Variants in RNF150 observed in about 807,000 individuals in gnomAD.
The protein encoded by RNF150 is ring finger protein 150.
In RNF150, 24 loss-of-function variants were observed where a neutral mutation model predicts 39.3. The observed-to-expected ratio is 0.61, with a 90% CI of 0.44 to 0.86. RNF150 has a LOEUF of 0.86. RNF150 is among the 40% of genes least tolerant of loss of function. The pLI is 0.00. For missense variants in RNF150, 502 were observed against 587.8 expected, an observed-to-expected ratio of 0.85 and a Z score of 1.51; for synonymous variants, 255 against 227.3, an observed-to-expected ratio of 1.12 and a Z score of -1.10.
Position 141,119,633 on chromosome 4 carries a change from A to G in RNF150, c.484+12692T>C, listed in dbSNP as rs1286264780. Reference sequence around the variant, plus strand: ...TTGTAAATACTCACAGGTAGCATCCAGGCCTCTTTAGAAACACTGGCGTGA... The same window carrying G: ...TTGTAAATACTCACAGGTAGCATCCGGGCCTCTTTAGAAACACTGGCGTGA... On this transcript the variant is annotated intron_variant, in intron 1 of 6. Transcript: ENST00000515673. Among the ~76,000 whole-genome samples, 3 of 152,340 alleles carry G rather than the reference A, an allele frequency of 2.0e-5. No individual in the cohort carries two copies. The East Asian group carries it at 5.8e-4, about 29-fold the overall frequency.
intron 1 of RNF150, among the ~76,000 whole-genome samples, chr4:141,071,564 C>T (rs1264400970): frequency 6.6e-6 from 1 of 151,964 alleles, no homozygotes; most frequent in Non-Finnish European, 1.5e-5. Flanking sequence ...AAACGTGAAA[C>T]ATTTTGGCCT....
At chr4:141,062,967 G>A (rs930295751) in intron 1 of RNF150, among the ~76,000 whole-genome samples, 2 of 152,188 alleles carry the variant, frequency 1.3e-5, no homozygotes, top group African/African-American at 4.8e-5. Context: ...TGCTTAGGAT[G>A]ATGGCATCCA....
At chr4:141,195,920 T>G (rs556672886) in intron 1 of RNF150, among the ~76,000 whole-genome samples, 74 of 152,188 alleles carry the variant, frequency 4.9e-4, no homozygotes, top group African/African-American at 1.6e-3. Context: ...AAGCTCAGGT[T>G]GGAAGTGATA....
At chr4:140,876,972 TTTCAGATGGGG>T (rs1295863702) in intron 6 of RNF150, among the ~76,000 whole-genome samples, 4 of 152,230 alleles carry the variant, frequency 2.6e-5, no homozygotes, top group Non-Finnish European at 5.9e-5. Context: ...CTTTCTCACC[TTTCAGATGGGG>T]AAGTTTAAAA....
intron 1 of RNF150, among the ~76,000 whole-genome samples, chr4:141,055,901 C>T (rs1736946904): frequency 2.6e-5 from 4 of 152,064 alleles, no homozygotes; most frequent in Admixed American, 2.6e-4. Flanking sequence ...TTCATATACC[C>T]CACACACAGG....
At chr4:140,941,461 T>C (rs1578988767) in intron 4 of RNF150, among the ~76,000 whole-genome samples, 1 of 152,244 alleles carries the variant, frequency 6.6e-6, no homozygotes, top group East Asian at 1.9e-4. Flanking sequence ...ATTTACCTTG[T>C]TTCAGGAGTA....
chr4:141,039,413 G>GGGAGGAGGTAGAGAAAGAAAGGGGAA (rs1736273876), intron 1 of RNF150, among the ~76,000 whole-genome samples: 4 of 151,538 alleles, frequency 2.6e-5, no homozygotes, highest in Admixed American at 6.6e-5. Context: ...AGAAAGGGGA[G>GGGAGGAGGTAGAGAAAGAAAGGGGAA]GAGAAAAAAG....
At chr4:141,156,427 T>G (rs1414206776) in intron 1 of RNF150, among the ~76,000 whole-genome samples, 1 of 152,072 alleles carries the variant, frequency 6.6e-6, no homozygotes, top group Non-Finnish European at 1.5e-5. Context: ...ACTACAGGCA[T>G]GTGCCACAAC....
chr4:141,171,747 G>T (rs149437148), intron 1 of RNF150, among the ~76,000 whole-genome samples: 256 of 152,258 alleles, frequency 1.7e-3, no homozygotes, highest in African/African-American at 6.0e-3. Context: ...AATTGAGCTT[G>T]ACTAGTTGAC....
chr4:140,995,062 T>G (rs1373854645), intron 1 of RNF150, among the ~76,000 whole-genome samples: 1 of 152,226 alleles, frequency 6.6e-6, no homozygotes, highest in Non-Finnish European at 1.5e-5. Flanking sequence ...TGTTGTGCTA[T>G]CAATTACTAG....
chr4:140,935,532 G>T (rs1443661035), intron 4 of RNF150, among the ~76,000 whole-genome samples: 2 of 151,930 alleles, frequency 1.3e-5, no homozygotes, highest in Non-Finnish European at 2.9e-5. Context: ...GGCGACATTT[G>T]CTATGTTGAA....
intron 1 of RNF150, among the ~76,000 whole-genome samples, chr4:141,074,668 G>A (rs1377365664): frequency 1.3e-5 from 2 of 152,144 alleles, no homozygotes; most frequent in Non-Finnish European, 2.9e-5. Context: ...GCCACCCAAA[G>A]CAGGATACAG....
chr4:141,146,143 T>A (rs181378), intron 1 of RNF150, among the ~76,000 whole-genome samples: 150,448 of 152,354 alleles, frequency 0.99, 74,323 homozygotes, highest in East Asian at 1. Context: ...TCTGTTACTT[T>A]GGGATGGATA....
intron 1 of RNF150, among the ~76,000 whole-genome samples, chr4:141,175,256 T>A (rs988777176): frequency 2.0e-5 from 3 of 152,190 alleles, no homozygotes; most frequent in African/African-American, 7.2e-5. Flanking sequence ...TCCTCACAGA[T>A]TTGTTGAGCT....
chr4:141,116,894 GA>G (rs776090535), intron 1 of RNF150, among the ~76,000 whole-genome samples: 1 of 151,848 alleles, frequency 6.6e-6, no homozygotes, highest in Non-Finnish European at 1.5e-5. Flanking sequence ...CACAGGAACA[GA>G]AAACCAAACA....
At chr4:140,930,976 G>T (rs552859596) in intron 4 of RNF150, among the ~76,000 whole-genome samples, 1 of 152,072 alleles carries the variant, frequency 6.6e-6, no homozygotes, top group African/African-American at 2.4e-5. Context: ...TCCTAGGCAG[G>T]CTACCTTAGC....
chr4:141,142,361 C>A (rs1360180948), intron 1 of RNF150, among the ~76,000 whole-genome samples: 1 of 152,180 alleles, frequency 6.6e-6, no homozygotes, highest in Non-Finnish European at 1.5e-5. Context: ...GAACTTAGTC[C>A]TTACCATGAT....
chr4:140,966,002 G>A (rs1234223296), intron 2 of RNF150, among the ~76,000 whole-genome samples: 2 of 152,006 alleles, frequency 1.3e-5, no homozygotes, highest in Non-Finnish European at 2.9e-5. Context: ...ACACCATACT[G>A]TAAACTTCAA....
intron 1 of RNF150, among the ~76,000 whole-genome samples, chr4:141,086,558 G>A (rs576496833): frequency 2.3e-4 from 35 of 152,002 alleles, no homozygotes; most frequent in African/African-American, 8.4e-4. Flanking sequence ...TACTACAGAT[G>A]AACTATATGC....
Sources: gnomAD v4.1 joint callset for allele counts (sites outside exome capture counted in the v4.1 genomes callset) on GRCh38, gnomAD v4.1.1 for gene constraint, MANE v1.5 for transcripts, NCBI Gene and HGNC (gene_info 2026-07-23, HGNC 2026-07-21) for gene names.